Variants in EML4 observed in about 807,000 individuals in gnomAD.
EML4 encodes EMAP like 4.
A neutral mutation model predicts 129.0 loss-of-function variants in EML4; 72 were observed. That is an observed-to-expected ratio of 0.56 (90% CI 0.46 to 0.68). EML4 has a LOEUF of 0.68. EML4 is among the 30% of genes least tolerant of loss of function. The pLI is 0.00. For missense variants in EML4, 1,363 were observed against 1,190.6 expected (o/e 1.14, Z -2.13); for synonymous variants, 532 against 405.0 (o/e 1.31, Z -3.77).
chr2:42,173,335 C>G (rs1439475923), intron 1 of EML4, among the ~76,000 whole-genome samples: 1 of 151,720 alleles, frequency 6.6e-6, no homozygotes, highest in Non-Finnish European at 1.5e-5. Context: ...TTGGTTGCCT[C>G]TTGAAGAGTT....
chr2:42,203,783 T>C (rs1441173234), intron 1 of EML4, among the ~76,000 whole-genome samples: 1 of 152,000 alleles, frequency 6.6e-6, no homozygotes, highest in Non-Finnish European at 1.5e-5. Flanking sequence ...CAAAAAGGCC[T>C]GGACCTCAAC....
chr2:42,251,481 C>G (rs1675763502), intron 2 of EML4, among the ~76,000 whole-genome samples: 1 of 152,110 alleles, frequency 6.6e-6, no homozygotes, highest in African/African-American at 2.4e-5. Context: ...GTAGTGGCCA[C>G]AAGTTGAAAG....
chr2:42,302,597 A>G (rs902998085), intron 14 of EML4, among the ~76,000 whole-genome samples: 3 of 149,616 alleles, frequency 2.0e-5, no homozygotes, highest in Non-Finnish European at 1.5e-5. Flanking sequence ...ACAGTGGCCC[A>G]GTCTTGGCTA....
rs896009349 is a variant in EML4, at chr2:42,220,250, T to G, written c.26-25255T>G. 9.2e-5 allele frequency among the ~76,000 whole-genome samples: 14 copies of G among 152,026 alleles called. No individual in the cohort carries two copies. In the South Asian group the frequency reaches 2.9e-3, roughly 32 times the overall value. The stretch of plus-strand genomic sequence containing the variant: ...GCAGATACTGTATTTTTTTTTTTTT[T>G]TTTTTTTACAAATTGAAGGTTTTTG... On this transcript the variant is annotated intron_variant, in intron 1 of 22. Coordinates refer to ENST00000318522, the MANE Select transcript of EML4 (RefSeq NM_019063.5).
chr2:42,195,518 A>G (rs191628638), intron 1 of EML4, among the ~76,000 whole-genome samples: 94 of 152,320 alleles, frequency 6.2e-4, no homozygotes, highest in African/African-American at 2.2e-3. Flanking sequence ...AATAATGCTA[A>G]GTATAAAAAT....
In EML4 at chr2:42,221,403, C is replaced by CTTTTTTTTTTTTTTTT. The variant is rs74816568; in HGVS notation, c.26-24093_26-24078dup. ...AGCACATTGTTTACAACATGGTTTA[C>CTTTTTTTTTTTTTTTT]TTTTTTTTTTTTTTTTTTTTTTTTG... On this transcript the variant is annotated intron_variant, in intron 1 of 22. Transcript: ENST00000318522. Among the ~76,000 whole-genome samples the CTTTTTTTTTTTTTTTT allele has an allele frequency of 9.2e-5, 10 of 108,260 alleles. 1 individual carries two copies. Among genetic ancestry groups the CTTTTTTTTTTTTTTTT allele is most frequent in the African/African-American group, 3.3e-4 (10 of 30,372 alleles). 71.0% of individuals were successfully genotyped at this position (108,260 alleles called of 152,430 possible).
chr2:42,325,699 G>A (rs1048213870), intron 20 of EML4, 145 bp downstream of exon 20: 1 of 245,694 alleles, frequency 4.1e-6, no homozygotes, highest in Admixed American at 5.9e-5. Flanking sequence ...GAATTGTGCA[G>A]AGAATGCTTG....
intron 19 of EML4, among the ~76,000 whole-genome samples, chr2:42,321,507 C>T (rs1669521251): frequency 6.6e-6 from 1 of 152,094 alleles, no homozygotes; most frequent in African/African-American, 2.4e-5. Flanking sequence ...TTGCTTCCAT[C>T]CTCAACATCA....
Position 42,208,357 on chromosome 2 carries a change from TA to T in EML4, c.26-37142del, listed in dbSNP as rs564389194. ...ATAATCAAAGAACTAAAATTTATAT[TA>T]AAAAATTTTTATTTTATGTTAAATG... On this transcript the variant is annotated intron_variant, in intron 1 of 22. Transcript: ENST00000318522. 1.3e-4 allele frequency among the ~76,000 whole-genome samples: 20 copies of T among 151,750 alleles called. No homozygotes were observed. The South Asian group carries it at 2.9e-3, about 22-fold the overall frequency.
intron 1 of EML4, among the ~76,000 whole-genome samples, chr2:42,232,387 T>G (rs950754145): frequency 3.9e-5 from 6 of 152,232 alleles, no homozygotes; most frequent in Non-Finnish European, 1.5e-5. Flanking sequence ...TCATTTAATT[T>G]GGGTCCATTT....
At chr2:42,196,244 G>A (rs1671889838) in intron 1 of EML4, among the ~76,000 whole-genome samples, 1 of 152,070 alleles carries the variant, frequency 6.6e-6, no homozygotes, top group South Asian at 2.1e-4. Context: ...TAATGAATTT[G>A]GATAAAAATA....
chr2:42,310,280 C>G (rs974581977), intron 17 of EML4, among the ~76,000 whole-genome samples: 14 of 151,892 alleles, frequency 9.2e-5, no homozygotes, highest in Middle Eastern at 3.4e-3. Flanking sequence ...TTCTCCCCTT[C>G]CCCTTTCCCT....
intron 1 of EML4, among the ~76,000 whole-genome samples, chr2:42,202,411 C>T (rs1324994405): frequency 1.3e-5 from 2 of 151,762 alleles, no homozygotes; most frequent in African/African-American, 4.9e-5. Flanking sequence ...TCGAGACTAG[C>T]CTGGTGTATT....
chr2:42,190,381 G>C (rs896106356), intron 1 of EML4, among the ~76,000 whole-genome samples: 8 of 152,082 alleles, frequency 5.3e-5, no homozygotes, highest in African/African-American at 1.9e-4. Flanking sequence ...GAAACGGTAG[G>C]GTTTGGGATA....
At chr2:42,296,518 A>G (rs1028988408) in intron 13 of EML4, among the ~76,000 whole-genome samples, 13 of 152,096 alleles carry the variant, frequency 8.5e-5, no homozygotes, top group East Asian at 5.8e-4. Flanking sequence ...GCATCAGACC[A>G]TGAAAATCAC....
At chr2:42,206,550 G>A (rs1309925809) in intron 1 of EML4, among the ~76,000 whole-genome samples, 1 of 152,086 alleles carries the variant, frequency 6.6e-6, no homozygotes, top group Non-Finnish European at 1.5e-5. Context: ...ATGTCTAGTC[G>A]TCTTGCCTAC....
intron 2 of EML4, among the ~76,000 whole-genome samples, chr2:42,253,272 G>A (rs1308871669): frequency 6.6e-6 from 1 of 152,170 alleles, no homozygotes; most frequent in East Asian, 1.9e-4. Flanking sequence ...TTTTCATCCT[G>A]AAGGTAGTGG....
intron 1 of EML4, among the ~76,000 whole-genome samples, chr2:42,195,784 A>G (rs1671866267): frequency 6.6e-6 from 1 of 152,216 alleles, no homozygotes; most frequent in Non-Finnish European, 1.5e-5. Flanking sequence ...CTACATATTT[A>G]CTACAGGAAG....
intron 6 of EML4, among the ~76,000 whole-genome samples, chr2:42,267,753 A>G (rs1666142789): frequency 6.6e-6 from 1 of 152,220 alleles, no homozygotes. Context: ...GCCACTAAAA[A>G]GAGGCTCTTA....
Sources: gnomAD v4.1 joint callset for allele counts (sites outside exome capture counted in the v4.1 genomes callset) on GRCh38, gnomAD v4.1.1 for gene constraint, MANE v1.5 for transcripts, NCBI Gene and HGNC (gene_info 2026-07-23, HGNC 2026-07-21) for gene names.